ZNF652: variants seen among roughly 807,000 people sequenced by gnomAD.
The protein encoded by ZNF652 is zinc finger protein 652.
ZNF652 carries 16 observed loss-of-function variants against 45.2 expected under a neutral mutation model. The observed-to-expected ratio is 0.35, with a 90% CI of 0.24 to 0.54. The LOEUF (loss-of-function observed/expected upper bound fraction) is 0.54, where lower values mean the gene tolerates loss of function less well. ZNF652 is among the 20% of genes least tolerant of loss of function. The pLI is 0.91. For missense variants in ZNF652, 614 were observed against 765.6 expected (o/e 0.80, Z 2.34); for synonymous variants, 250 against 260.6 (o/e 0.96, Z 0.39).
chr17:49,353,877 T>G (rs1315671849), intron 1 of ZNF652, among the ~76,000 whole-genome samples: 2 of 152,198 alleles, frequency 1.3e-5, no homozygotes, highest in African/African-American at 4.8e-5. Flanking sequence ...TTGGCTTCTG[T>G]GGACATGTAT....
At chr17:49,288,851 C>T (rs1479920616), downstream of ZNF652, among the ~76,000 whole-genome samples, 1 of 152,124 alleles carries the variant, frequency 6.6e-6, no homozygotes, top group Non-Finnish European at 1.5e-5. Context: ...GTTGATTTTT[C>T]TTCAAATTGG....
At chr17:49,341,111 T>C (rs1266037673) in intron 1 of ZNF652, among the ~76,000 whole-genome samples, 2 of 151,956 alleles carry the variant, frequency 1.3e-5, no homozygotes, top group African/African-American at 4.8e-5. Context: ...CTCAGGAAGC[T>C]GAAGCAGGAG....
intron 1 of ZNF652, among the ~76,000 whole-genome samples, chr17:49,328,031 A>G (rs2069984702): frequency 6.6e-6 from 1 of 151,928 alleles, no homozygotes; most frequent in African/African-American, 2.4e-5. Context: ...GACCTTGGGT[A>G]AGTTACTTCT....
intron 1 of ZNF652, among the ~76,000 whole-genome samples, chr17:49,324,375 A>T (rs2069932886): frequency 6.6e-6 from 1 of 152,026 alleles, no homozygotes; most frequent in African/African-American, 2.4e-5. Flanking sequence ...CTCAGCAATA[A>T]GGCTGTTTCG....
At position 49,297,781 on chromosome 17, in the gene ZNF652, T is replaced by TAATGAAATGTATTTC. The variant is rs1313895335; in HGVS notation, c.*631_*632insGAAATACATTTCATT. Reference sequence around the variant, plus strand: ...GCTACACTGAAAAAATTACACTGCTTATTGAAATACATTTCATTTTAGAAA... The same window carrying TAATGAAATGTATTTC: ...GCTACACTGAAAAAATTACACTGCTTAATGAAATGTATTTCATTGAAATACATTTCATTTTAGAAA... On this transcript the variant is annotated 3_prime_UTR_variant, in exon 6 of 6. Transcript: ENST00000430262. The TAATGAAATGTATTTC allele has an allele frequency of 6.5e-6, 1 of 152,704 alleles. No individual in the cohort carries two copies. Among genetic ancestry groups the TAATGAAATGTATTTC allele is most frequent in the African/African-American group, 2.4e-5 (1 of 41,454 alleles). 9.5% of individuals were successfully genotyped at this position (152,704 alleles called of 1,614,324 possible).
At chr17:49,352,342 C>T (rs776769313) in intron 1 of ZNF652, among the ~76,000 whole-genome samples, 1 of 151,676 alleles carries the variant, frequency 6.6e-6, no homozygotes, top group African/African-American at 2.4e-5. Context: ...TATAATATAT[C>T]CAAAATAAAC....
chr17:49,355,822 C>T (rs999481084), intron 1 of ZNF652, among the ~76,000 whole-genome samples: 7 of 151,622 alleles, frequency 4.6e-5, no homozygotes, highest in African/African-American at 9.7e-5. Context: ...TGCCTGAACC[C>T]GGGAGGCGGA....
At chr17:49,348,477 CAAAAA>C (rs1268448134) in intron 1 of ZNF652, among the ~76,000 whole-genome samples, 1 of 57,798 alleles carries the variant, frequency 1.7e-5, no homozygotes, top group South Asian at 6.8e-4. Context: ...GACCTTGCCT[CAAAAA>C]AGAAAAGAAA....
In ZNF652 at chr17:49,297,331, G is replaced by A. The variant is rs2069489553; in HGVS notation, c.*1082C>T. 1 of 152,594 alleles carries A rather than the reference G, an allele frequency of 6.6e-6. No individual in the cohort carries two copies. The highest frequency in any genetic ancestry group is 1.5e-5 in the Non-Finnish European group (1 of 68,018). The allele number at this position is 152,594 out of a possible 1,614,324, so 9.5% of individuals were successfully genotyped here. A position where few individuals can be genotyped will look rare whatever the true frequency, so the allele number is the denominator to read the frequency against. On this transcript the variant is annotated 3_prime_UTR_variant, in exon 6 of 6. Transcript: ENST00000430262. The stretch of plus-strand genomic sequence containing the variant: ...TTCCTAAGGGAAGTGAGAAACAGAC[G>A]TGACTGAGATGAAATGATCTCCACT...
At position 49,326,853 on chromosome 17, in the gene ZNF652, C is replaced by T. The variant is rs80132027; in HGVS notation, c.-258-8870G>A. ...TGGATCTCTGGATCAAGAAGAGCAA[C>T]GTCTGGACCCAATGTAGAGACTGCT... On this transcript the variant is annotated intron_variant, in intron 1 of 5. Transcript: ENST00000430262. 3.8e-3 allele frequency among the ~76,000 whole-genome samples: 583 copies of T among 152,282 alleles called. 4 individuals carry two copies. The highest frequency in any genetic ancestry group is 6.1e-3 in the Non-Finnish European group (412 of 68,016).
chr17:49,292,672 C>T lies in ZNF652; in HGVS notation c.*5741G>A, dbSNP rs1263508042. On this transcript the variant is annotated 3_prime_UTR_variant, in exon 6 of 6. Transcript: ENST00000430262. ...AGTTGAGAAAAAGGTGTTCAAAAGA[C>T]ATTCAATGACCTTTAATTTTAAAGG... 2.0e-5 allele frequency among the ~76,000 whole-genome samples: 3 copies of T among 152,036 alleles called. No homozygotes were observed. Among genetic ancestry groups the T allele is most frequent in the Non-Finnish European group, 4.4e-5 (3 of 68,008 alleles).
Position 49,297,400 on chromosome 17 carries a change from A to G in ZNF652, c.*1013T>C, listed in dbSNP as rs1016693966. 1 of 152,456 alleles carries G rather than the reference A, an allele frequency of 6.6e-6. No homozygotes were observed. The highest frequency in any genetic ancestry group is 1.5e-5 in the Non-Finnish European group (1 of 68,018). 9.4% of individuals were successfully genotyped at this position (152,456 alleles called of 1,614,324 possible). On this transcript the variant is annotated 3_prime_UTR_variant, in exon 6 of 6. Coordinates refer to ENST00000430262, the MANE Select transcript of ZNF652 (RefSeq NM_001145365.3). Reference sequence around the variant, plus strand: ...CAAACAGCCTTATTCAAATTTTCAAAACATGCAAGCTTTAGGTGACTTCCC... The same window carrying G: ...CAAACAGCCTTATTCAAATTTTCAAGACATGCAAGCTTTAGGTGACTTCCC...
chr17:49,317,549 A>G lies in ZNF652; in HGVS notation c.177T>C (p.Tyr59=). ...KVYKRESGSP[Y]SVLVDTKMSK... Reference sequence around the variant, plus strand: ...TCATCTTGGTGTCCACTAACACAGAATAAGGACTTCCTGATTCCCTTTTGT... The same window carrying G: ...TCATCTTGGTGTCCACTAACACAGAGTAAGGACTTCCTGATTCCCTTTTGT... The change falls in exon 2 of 6, where the codon TAT becomes TAC. Residue 59 remains tyrosine, a synonymous_variant. Coordinates refer to ENST00000430262, the MANE Select transcript of ZNF652 (RefSeq NM_001145365.3). The G allele has an allele frequency of 1.2e-6, 2 of 1,614,152 alleles. No individual in the cohort carries two copies. The highest frequency in any genetic ancestry group is 1.7e-6 in the Non-Finnish European group (2 of 1,180,026).
At chr17:49,311,263 TCAA>T (rs768839573) in intron 5 of ZNF652, 46 bp downstream of exon 5, 74 of 1,568,620 alleles carry the variant, frequency 4.7e-5, no homozygotes, top group African/African-American at 4.5e-4. Flanking sequence ...CAGATGATCA[TCAA>T]CAAGTGCTTG....
At chr17:49,354,623 C>CA (rs772761810) in intron 1 of ZNF652, among the ~76,000 whole-genome samples, 40 of 144,686 alleles carry the variant, frequency 2.8e-4, no homozygotes, top group Non-Finnish European at 3.6e-4. Context: ...AAAAAAAAAA[C>CA]AAAAAAACAA....
intron 1 of ZNF652, among the ~76,000 whole-genome samples, chr17:49,322,727 T>C (rs1043688703): frequency 3.2e-4 from 49 of 151,974 alleles, no homozygotes; most frequent in Admixed American, 1.2e-3. Context: ...CTACTAAAAA[T>C]ACAAAAAATT....
At chr17:49,355,401 A>G (rs2070325100) in intron 1 of ZNF652, among the ~76,000 whole-genome samples, 1 of 150,152 alleles carries the variant, frequency 6.7e-6, no homozygotes, top group Non-Finnish European at 1.5e-5. Flanking sequence ...CAGCCTAGGC[A>G]ACATAGTGAG....
intron 5 of ZNF652, among the ~76,000 whole-genome samples, chr17:49,311,061 A>G (rs756592311): frequency 2.0e-5 from 3 of 152,222 alleles, no homozygotes; most frequent in Non-Finnish European, 2.9e-5. Flanking sequence ...AACCCCACGT[A>G]AAGACCCCAT....
At chr17:49,350,634 A>C (rs961599320) in intron 1 of ZNF652, among the ~76,000 whole-genome samples, 7 of 151,918 alleles carry the variant, frequency 4.6e-5, no homozygotes, top group African/African-American at 1.7e-4. Context: ...TTGATTCAAA[A>C]AGGCAGGCTG....
Sources: gnomAD v4.1 joint callset for allele counts (sites outside exome capture counted in the v4.1 genomes callset) on GRCh38, gnomAD v4.1.1 for gene constraint, MANE v1.5 for transcripts, NCBI Gene and HGNC (gene_info 2026-07-23, HGNC 2026-07-21) for gene names.